Variants in EIF4G3 observed in about 807,000 individuals in gnomAD.
EIF4G3 encodes eIF-4-gamma 3.
In EIF4G3, 34 loss-of-function variants were observed where a neutral mutation model predicts 186.4. The observed-to-expected ratio is 0.18, with a 90% CI of 0.14 to 0.24. EIF4G3 has a LOEUF of 0.24. Ranked by LOEUF, EIF4G3 falls within the 10% of genes least tolerant of loss-of-function variation. The pLI, the probability that EIF4G3 is intolerant of heterozygous loss-of-function variation, is 1.00. For synonymous variants in EIF4G3, 673 were observed against 679.5 expected (o/e 0.99, Z 0.15); for missense variants, 1,536 against 1,948.5 (o/e 0.79, Z 3.99).
intron 12 of EIF4G3, among the ~76,000 whole-genome samples, chr1:20,961,429 A>C (rs940987216): frequency 6.6e-6 from 1 of 152,230 alleles, no homozygotes; most frequent in African/African-American, 2.4e-5. Flanking sequence ...AGATGTACAC[A>C]GTTTCAGTGT....
intron 4 of EIF4G3, among the ~76,000 whole-genome samples, chr1:21,032,393 G>A (rs777538504): frequency 1.7e-4 from 26 of 152,056 alleles, no homozygotes; most frequent in Non-Finnish European, 3.1e-4. Context: ...TGGTTCTAAT[G>A]GATGACTTGG....
intron 2 of EIF4G3, among the ~76,000 whole-genome samples, chr1:21,143,786 G>A (rs1198079644): frequency 2.0e-5 from 3 of 152,276 alleles, no homozygotes; most frequent in Non-Finnish European, 4.4e-5. Flanking sequence ...CCTGGGTGTG[G>A]TGGCATGTGC....
At chr1:20,846,894 G>A (rs2071276962) in intron 29 of EIF4G3, among the ~76,000 whole-genome samples, 1 of 152,104 alleles carries the variant, frequency 6.6e-6, no homozygotes, top group Non-Finnish European at 1.5e-5. Flanking sequence ...TAAGAACTTG[G>A]CACAGTGCCA....
At chr1:21,015,089 G>A (rs2088537333) in intron 4 of EIF4G3, among the ~76,000 whole-genome samples, 1 of 148,398 alleles carries the variant, frequency 6.7e-6, no homozygotes. Flanking sequence ...AAAGGAGGGG[G>A]GGAAGAAAAG....
intron 12 of EIF4G3, among the ~76,000 whole-genome samples, chr1:20,962,552 A>C (rs986461299): frequency 6.6e-6 from 1 of 152,172 alleles, no homozygotes; most frequent in Non-Finnish European, 1.5e-5. Context: ...CAAGCAACTC[A>C]ACTTTTTCTT....
intron 3 of EIF4G3, among the ~76,000 whole-genome samples, chr1:21,052,138 T>TA (rs572502650): frequency 6.3e-4 from 96 of 152,368 alleles, no homozygotes; most frequent in Non-Finnish European, 8.8e-5. Flanking sequence ...AGCATGTTTT[T>TA]ACGTAACCAA....
Position 20,810,837 on chromosome 1 carries a change from C to T in EIF4G3, c.4645G>A (p.Val1549Met), listed in dbSNP as rs140835644. Reference protein sequence around the residue: ...RVDTAVIKQRVPILLKYLDSD... With the variant: ...RVDTAVIKQRMPILLKYLDSD... Reference sequence around the variant, plus strand: ...TCTAGGTACTTGAGTAAGATCGGCACTCTCTGCTTGATAACAGCAGTGTCC... The same window carrying T: ...TCTAGGTACTTGAGTAAGATCGGCATTCTCTGCTTGATAACAGCAGTGTCC... The change falls in exon 36 of 37, where the codon GTG becomes ATG. Residue 1549 changes from valine to methionine, a missense_variant. Physicochemically the swap from Val to Met is conservative, Grantham distance 21. Coordinates refer to ENST00000602326, the MANE Select transcript of EIF4G3 (RefSeq NM_001391906.1). The surrounding 1 kb of genome is among the most constrained non-coding windows in gnomAD (Gnocchi z 4.1). 6.2e-7 allele frequency: 1 copy of T among 1,614,156 alleles called. No individual in the cohort carries two copies. The highest frequency in any genetic ancestry group is 2.2e-5 in the East Asian group (1 of 44,878).
intron 3 of EIF4G3, among the ~76,000 whole-genome samples, chr1:21,059,730 A>AT (rs1479423187): frequency 2.6e-5 from 4 of 152,236 alleles, no homozygotes; most frequent in African/African-American, 9.6e-5. Flanking sequence ...CATACCATGT[A>AT]TGTTCTACTA....
chr1:20,880,518 G>A (rs909738294), intron 19 of EIF4G3, among the ~76,000 whole-genome samples: 1 of 152,176 alleles, frequency 6.6e-6, no homozygotes, highest in African/African-American at 2.4e-5. Flanking sequence ...GGGAGACCGA[G>A]GTTGGGTGGA....
intron 2 of EIF4G3, among the ~76,000 whole-genome samples, chr1:21,110,066 G>A (rs2096694001): frequency 6.6e-6 from 1 of 152,136 alleles, no homozygotes; most frequent in Non-Finnish European, 1.5e-5. Context: ...AGGATTACAG[G>A]CATGAGCCGC....
chr1:20,967,415 A>C (rs1181461192), intron 12 of EIF4G3, among the ~76,000 whole-genome samples: 1 of 152,204 alleles, frequency 6.6e-6, no homozygotes, highest in Non-Finnish European at 1.5e-5. Context: ...AGATTACTTC[A>C]ATTTGAAAAT....
chr1:21,142,540 A>G (rs924699178), intron 2 of EIF4G3, among the ~76,000 whole-genome samples: 4 of 152,176 alleles, frequency 2.6e-5, no homozygotes, highest in African/African-American at 7.2e-5. Flanking sequence ...GTGGCTAACT[A>G]GAATACATGC....
chr1:20,890,582 A>C (rs2085672967), intron 18 of EIF4G3, among the ~76,000 whole-genome samples: 1 of 152,086 alleles, frequency 6.6e-6, no homozygotes, highest in Non-Finnish European at 1.5e-5. Context: ...CAGTCTCTCA[A>C]GTAGATGGCA....
chr1:20,979,985 G>A (rs568820639), intron 10 of EIF4G3, among the ~76,000 whole-genome samples: 5 of 152,118 alleles, frequency 3.3e-5, no homozygotes, highest in African/African-American at 4.8e-5. Context: ...CTCCTCGCCC[G>A]CCTCGGCCTC....
At chr1:21,076,620 A>G (rs1026404699) in intron 3 of EIF4G3, among the ~76,000 whole-genome samples, 8 of 152,220 alleles carry the variant, frequency 5.3e-5, no homozygotes, top group Non-Finnish European at 1.0e-4. Flanking sequence ...GACAACAGAG[A>G]ATCAAGAAAC....
At chr1:21,125,180 C>T (rs556291509) in intron 2 of EIF4G3, among the ~76,000 whole-genome samples, 12 of 151,930 alleles carry the variant, frequency 7.9e-5, no homozygotes, top group Non-Finnish European at 1.3e-4. Flanking sequence ...GTAAAAAAGA[C>T]CAAATCTGGG....
chr1:20,975,584 C>T (rs560012736), intron 10 of EIF4G3, among the ~76,000 whole-genome samples: 29 of 150,576 alleles, frequency 1.9e-4, no homozygotes, highest in Admixed American at 3.3e-4. Flanking sequence ...TGCCCTACTA[C>T]TACTAATATA....
chr1:21,128,310 A>G (rs2097089884), intron 2 of EIF4G3, among the ~76,000 whole-genome samples: 1 of 151,838 alleles, frequency 6.6e-6, no homozygotes, highest in Non-Finnish European at 1.5e-5. Flanking sequence ...GGAGTTTGAG[A>G]CCAGCCTGGC....
At chr1:21,009,811 C>A (rs960515319) in intron 4 of EIF4G3, among the ~76,000 whole-genome samples, 2 of 151,988 alleles carry the variant, frequency 1.3e-5, no homozygotes, top group African/African-American at 2.4e-5. Flanking sequence ...CGTGCCACCA[C>A]ACCCTGCTAA....
Sources: gnomAD v4.1 joint callset for allele counts (sites outside exome capture counted in the v4.1 genomes callset) on GRCh38, gnomAD v4.1.1 for gene constraint, Gnocchi (gnomAD v3.1) non-coding constraint, MANE v1.5 for transcripts, NCBI Gene and HGNC (gene_info 2026-07-23, HGNC 2026-07-21) for gene names.